IGF1: variants seen among roughly 807,000 people sequenced by gnomAD.
IGF1 encodes insulin like growth factor 1.
In IGF1, 4 loss-of-function variants were observed where a neutral mutation model predicts 13.8. That is an observed-to-expected ratio of 0.29 (90% CI 0.14 to 0.66). The LOEUF is 0.66. Among genes scored for constraint, IGF1 ranks in the 30% least tolerant of loss-of-function variants. IGF1 has a pLI of 0.78. For synonymous variants in IGF1, 76 were observed against 72.6 expected (o/e 1.05, Z -0.23); for missense variants, 124 against 188.5 (o/e 0.66, Z 2.00).
At chr12:102,429,453 C>T (rs1386489077) in intron 2 of IGF1, among the ~76,000 whole-genome samples, 1 of 152,084 alleles carries the variant, frequency 6.6e-6, no homozygotes, top group Non-Finnish European at 1.5e-5. Flanking sequence ...CCATTGCACT[C>T]CTCCCAATCC....
intron 2 of IGF1, among the ~76,000 whole-genome samples, chr12:102,427,457 G>GTT: frequency 6.6e-6 from 1 of 152,278 alleles, no homozygotes; most frequent in Middle Eastern, 3.4e-3. Context: ...TTTATTTTTA[G>GTT]TTTCTCTCTA....
At chr12:102,453,385 T>C (rs1879125422) in intron 2 of IGF1, among the ~76,000 whole-genome samples, 1 of 152,234 alleles carries the variant, frequency 6.6e-6, no homozygotes. Flanking sequence ...AAACTTTTCT[T>C]CAGGCCTCAG....
rs529514866 is a variant in IGF1 at position 102,432,265 on chromosome 12, T to C, written c.221-12575A>G. On this transcript the variant is annotated intron_variant, in intron 2 of 3. Coordinates refer to ENST00000337514, the MANE Select transcript of IGF1 (RefSeq NM_000618.5). ...TGCAGAATATTTTACTGAGTAGATA[T>C]GCCATCATTTGTTGCTGTAACCATT... Among the ~76,000 whole-genome samples the C allele has an allele frequency of 3.3e-5, 5 of 152,358 alleles. No homozygotes were observed. The East Asian group carries it at 9.6e-4, about 29-fold the overall frequency.
intron 2 of IGF1, among the ~76,000 whole-genome samples, chr12:102,452,533 G>A (rs1338482138): frequency 6.6e-6 from 1 of 152,058 alleles, no homozygotes; most frequent in Non-Finnish European, 1.5e-5. Context: ...GAACTTTGCA[G>A]ATCTGTAACA....
At chr12:102,441,956 T>TCCTTCTCCTTCTCCTTCTCCTTCTCC (rs1877880601) in intron 2 of IGF1, among the ~76,000 whole-genome samples, 4 of 140,484 alleles carry the variant, frequency 2.8e-5, no homozygotes, top group Admixed American at 7.4e-5. Context: ...CTTCTTCTTC[T>TCCTTCTCCTTCTCCTTCTCCTTCTCC]TTTTTTTTTT....
chr12:102,442,626 G>T (rs1490060900), intron 2 of IGF1, among the ~76,000 whole-genome samples: 1 of 152,016 alleles, frequency 6.6e-6, no homozygotes, highest in African/African-American at 2.4e-5. Context: ...TTTATTAATT[G>T]CTTCTGTCTT....
chr12:102,458,723 C>A (rs1879636825), intron 2 of IGF1, among the ~76,000 whole-genome samples: 2 of 11,944 alleles, frequency 1.7e-4, no homozygotes. Flanking sequence ...ATGGTAGGAA[C>A]ACTGACCAAA....
At chr12:102,453,653 A>G (rs1358994711) in intron 2 of IGF1, among the ~76,000 whole-genome samples, 3 of 152,210 alleles carry the variant, frequency 2.0e-5, no homozygotes, top group African/African-American at 7.2e-5. Flanking sequence ...CATTGCTAGG[A>G]AAGAGATGAG....
At chr12:102,427,188 C>A (rs1876279996) in intron 2 of IGF1, among the ~76,000 whole-genome samples, 1 of 152,148 alleles carries the variant, frequency 6.6e-6, no homozygotes, top group Non-Finnish European at 1.5e-5. Context: ...CATACGTGGG[C>A]CTTAGCTGTC....
At chr12:102,433,552 C>G (rs1876932865) in intron 2 of IGF1, among the ~76,000 whole-genome samples, 1 of 152,150 alleles carries the variant, frequency 6.6e-6, no homozygotes. Flanking sequence ...GTATCATAAA[C>G]AAGCTCTTAA....
intron 3 of IGF1, among the ~76,000 whole-genome samples, chr12:102,407,457 G>T (rs1874274369): frequency 6.6e-6 from 1 of 152,160 alleles, no homozygotes; most frequent in Non-Finnish European, 1.5e-5. Context: ...TCAGGGATAA[G>T]TACTACTGTC....
intron 2 of IGF1, among the ~76,000 whole-genome samples, chr12:102,459,762 A>G (rs1309092872): frequency 2.0e-5 from 3 of 152,110 alleles, no homozygotes; most frequent in Non-Finnish European, 4.4e-5. Context: ...GAATGACTTG[A>G]TTGTCTTTTA....
intron 2 of IGF1, among the ~76,000 whole-genome samples, chr12:102,422,003 A>G (rs576703853): frequency 1.5e-4 from 23 of 151,966 alleles, no homozygotes; most frequent in Non-Finnish European, 3.2e-4. Flanking sequence ...TGTAAAATAG[A>G]AAGTCATCAT....
At chr12:102,443,946 A>G (rs545301545) in intron 2 of IGF1, among the ~76,000 whole-genome samples, 28 of 151,872 alleles carry the variant, frequency 1.8e-4, no homozygotes, top group Non-Finnish European at 3.5e-4. Context: ...TCCTGCCTCA[A>G]CCTCCTAAAT....
At chr12:102,415,762 A>T (rs1875087470) in intron 3 of IGF1, 1 of 152,172 alleles carries the variant, frequency 6.6e-6, no homozygotes, top group African/African-American at 2.4e-5. Flanking sequence ...TTGAAGAGCC[A>T]TCTGTGTCTA....
chr12:102,458,793 C>T (rs1277659163), intron 2 of IGF1, among the ~76,000 whole-genome samples: 1 of 143,912 alleles, frequency 6.9e-6, no homozygotes. Context: ...TTCTCTCTCT[C>T]AGAGGAAAGA....
At chr12:102,478,801 G>A (rs1881233528) in intron 1 of IGF1, 1 of 429,670 alleles carries the variant, frequency 2.3e-6, no homozygotes, top group African/African-American at 2.0e-5. Flanking sequence ...CCAAGCTCCA[G>A]TCCACTCCCT....
At chr12:102,417,738 A>G (rs1251896727) in intron 3 of IGF1, 19 of 1,592,280 alleles carry the variant, frequency 1.2e-5, no homozygotes, top group South Asian at 2.3e-5. Context: ...CATTTCCTCT[A>G]TTGTATTTTC....
intron 1 of IGF1, among the ~76,000 whole-genome samples, chr12:102,480,020 A>G (rs1345611848): frequency 6.6e-6 from 1 of 152,100 alleles, no homozygotes; most frequent in South Asian, 2.1e-4. Context: ...TATAGCCCTT[A>G]GCCATAGAGA....
Sources: allele counts gnomAD v4.1 joint callset (sites outside exome capture counted in the v4.1 genomes callset), GRCh38; gene constraint gnomAD v4.1.1; transcripts MANE v1.5; gene names NCBI Gene and HGNC (gene_info 2026-07-23, HGNC 2026-07-21).